Variants in ARPC3 observed in about 807,000 individuals in gnomAD.
ARPC3 encodes the protein actin related protein 2/3 complex subunit 3.
ARPC3 carries 12 observed loss-of-function variants against 27.6 expected under a neutral mutation model. That is an observed-to-expected ratio of 0.43 (90% confidence interval 0.28 to 0.70). ARPC3 has a LOEUF of 0.70. Ranked by LOEUF, ARPC3 falls within the 30% of genes least tolerant of loss-of-function variation. ARPC3 has a pLI of 0.17. For missense variants in ARPC3, 153 were observed against 207.7 expected, an observed-to-expected ratio of 0.74 and a Z score of 1.62; for synonymous variants, 53 against 67.2, an observed-to-expected ratio of 0.79 and a Z score of 1.03.
At chr12:110,443,503 G>A (rs1235611335) in intron 2 of ARPC3, among the ~76,000 whole-genome samples, 1 of 151,996 alleles carries the variant, frequency 6.6e-6, no homozygotes, top group Admixed American at 6.6e-5. Flanking sequence ...CACAATCTAG[G>A]CCCAGTGCAA....
intron 2 of ARPC3, among the ~76,000 whole-genome samples, chr12:110,441,132 C>T (rs1219602283): frequency 6.6e-5 from 10 of 151,854 alleles, no homozygotes; most frequent in South Asian, 4.1e-4. Context: ...CATAAGCCAC[C>T]GTGCCCGGCC....
In ARPC3 at chr12:110,440,834, C is replaced by T. The variant is rs550845898; in HGVS notation, c.107-446G>A. On this transcript the variant is annotated intron_variant, in intron 2 of 6. Transcript: ENST00000228825. ...GTGCTGGGATTACAGGCATGAGCCA[C>T]CGTGCCCAGCCTTTGTTTTTTTTTT... 3.5e-5 allele frequency among the ~76,000 whole-genome samples: 5 copies of T among 142,950 alleles called. No homozygotes were observed. The South Asian group carries it at 1.1e-3, about 32-fold the overall frequency. 93.8% of individuals were successfully genotyped at this position (142,950 alleles called of 152,430 possible).
chr12:110,446,920 T>A (rs1033290263), intron 1 of ARPC3, among the ~76,000 whole-genome samples: 1 of 152,226 alleles, frequency 6.6e-6, no homozygotes, highest in Non-Finnish European at 1.5e-5. Flanking sequence ...ACCTAATTTT[T>A]AAAAATTACA....
intron 1 of ARPC3, among the ~76,000 whole-genome samples, chr12:110,448,591 T>C (rs2062478593): frequency 1.3e-5 from 2 of 149,768 alleles, no homozygotes; most frequent in African/African-American, 5.0e-5. Flanking sequence ...GGTGGGAGGA[T>C]CACCTGAACC....
intron 2 of ARPC3, among the ~76,000 whole-genome samples, chr12:110,442,178 T>G (rs893440085): frequency 2.0e-5 from 3 of 152,042 alleles, no homozygotes; most frequent in African/African-American, 7.2e-5. Context: ...AAAAAAAAAT[T>G]TTTAATTGTC....
At chr12:110,446,297 A>AT (rs1336985095) in intron 1 of ARPC3, among the ~76,000 whole-genome samples, 17,807 of 128,758 alleles carry the variant, frequency 0.14, 1,794 homozygotes, top group African/African-American at 0.28. Flanking sequence ...CTACTTCCTA[A>AT]TTTTTTTTTT....
rs1180052697 is a variant in ARPC3 at position 110,450,245 on chromosome 12, G to T, written c.6+10C>A. ...CCGCTGTCTCCCCACACCGTGGATC[G>T]AACCCTCACCGGCATCTTGGCGGCG... On this transcript the variant is annotated intron_variant, in intron 1 of 6. Transcript: ENST00000228825. 6.2e-7 allele frequency: 1 copy of T among 1,614,086 alleles called. No homozygotes were observed.
At chr12:110,449,824 G>A (rs1365960879) in intron 1 of ARPC3, among the ~76,000 whole-genome samples, 1 of 152,168 alleles carries the variant, frequency 6.6e-6, no homozygotes, top group Non-Finnish European at 1.5e-5. Flanking sequence ...CCGGGAAGTG[G>A]GTTCTGACAA....
chr12:110,440,656 C>G, intron 2 of ARPC3: 1 of 373,138 alleles, frequency 2.7e-6, no homozygotes, highest in Middle Eastern at 8.8e-4. Flanking sequence ...ACGCCATTCT[C>G]CTGCCTCAGC....
chr12:110,449,435 G>T (rs868375393), intron 1 of ARPC3, among the ~76,000 whole-genome samples: 1 of 151,862 alleles, frequency 6.6e-6, no homozygotes, highest in South Asian at 2.1e-4. Flanking sequence ...GGTGGCGCGC[G>T]CCTGTAATCT....
Position 110,436,498 on chromosome 12 carries a change from G to C in ARPC3, c.379+59C>G, listed in dbSNP as rs888081312. 5.6e-6 allele frequency: 9 copies of C among 1,606,332 alleles called. No homozygotes were observed. In the African/African-American group the frequency reaches 1.2e-4, roughly 22 times the overall value. On this transcript the variant is annotated intron_variant, in intron 5 of 6. Transcript: ENST00000228825. ...AAGGCAAGAAAAAGAGGGGTGGTAG[G>C]AAGTCAAATGGAGAAAATCTTCTTG...
chr12:110,436,342 GTTTTATAACTATAT>G (rs2062403705), intron 5 of ARPC3, 138 bp from the exon 6 acceptor site: 1 of 1,097,120 alleles, frequency 9.1e-7, no homozygotes, highest in Non-Finnish European at 1.3e-6. Context: ...AGTCCAGATA[GTTTTATAACTATAT>G]TTGTTTTTGT....
At position 110,435,108 on chromosome 12, in the gene ARPC3, G is replaced by A. The variant is rs201844028; in HGVS notation, c.*47C>T. 2,326 of 1,470,932 alleles carry A rather than the reference G, an allele frequency of 1.6e-3. 10 individuals are homozygous for A. Among genetic ancestry groups the A allele is most frequent in the Middle Eastern group, 6.1e-3 (31 of 5,092 alleles). The allele number at this position is 1,470,932 out of a possible 1,614,324, so 91.1% of individuals were successfully genotyped here. A position where few individuals can be genotyped will look rare whatever the true frequency, so the allele number is the denominator to read the frequency against. On this transcript the variant is annotated 3_prime_UTR_variant, in exon 7 of 7. Transcript: ENST00000228825. Reference sequence around the variant, plus strand: ...GCAAAAGATTGTGTACATCTTGCTGGAAAATGCTGCCCAGGGCTCTGGAGA... The same window carrying A: ...GCAAAAGATTGTGTACATCTTGCTGAAAAATGCTGCCCAGGGCTCTGGAGA...
At chr12:110,448,789 G>C (rs958846962) in intron 1 of ARPC3, among the ~76,000 whole-genome samples, 1 of 104,178 alleles carries the variant, frequency 9.6e-6, no homozygotes, top group South Asian at 4.4e-4. Context: ...GGGGGGGGGG[G>C]GGGTGGTGGT....
chr12:110,436,687 G>GAAA lies in ARPC3; in HGVS notation c.253-7_253-5dup, dbSNP rs59861890. ...CACCTTGGCTTTTGGAATTGCACTG[G>GAAA]AAAAAAAAATATATATATATATATA... On this transcript the variant is annotated splice_region_variant and splice_polypyrimidine_tract_variant and intron_variant, in intron 4 of 6. Transcript: ENST00000228825. 34,749 of 797,218 alleles carry GAAA rather than the reference G, an allele frequency of 0.044. 2,254 individuals carry two copies. The highest frequency in any genetic ancestry group is 0.11 in the African/African-American group (3,901 of 36,982). The allele number at this position is 797,218 out of a possible 1,614,324, so 49.4% of individuals were successfully genotyped here.
chr12:110,434,901 T>C lies in ARPC3; in HGVS notation c.*254A>G, dbSNP rs1051252825. ...GACTGGCAATAAAGTTTTTCTGACA[T>C]GGAATGTTAGAAATTTCTTTATTAT... On this transcript the variant is annotated 3_prime_UTR_variant, in exon 7 of 7. Transcript: ENST00000228825. 6.2e-5 allele frequency: 40 copies of C among 648,304 alleles called. 1 individual carries two copies. In the Admixed American group the frequency reaches 8.5e-4, roughly 14 times the overall value. The allele number at this position is 648,304 out of a possible 1,614,324, so 40.2% of individuals were successfully genotyped here.
At chr12:110,436,837 G>A in intron 4 of ARPC3, 154 bp from the exon 5 acceptor site, 1 of 710,494 alleles carries the variant, frequency 1.4e-6, no homozygotes. Context: ...GAATTCCTCT[G>A]TCAAGATTTC....
Position 110,445,519 on chromosome 12 carries a change from G to A in ARPC3, c.39C>T (p.Thr13=). Residue 13 remains threonine, a synonymous_variant, in exon 2 of 7, where the codon ACC becomes ACT. Transcript: ENST00000228825. ...AYHSSLMDPD[T]KLIGNMALLP... ...ACAGTGCCATGTTTCCGATGAGTTT[G>A]GTATCAGGATCCATGAGAGAAGAGT... 6.2e-7 allele frequency: 1 copy of A among 1,613,684 alleles called. No individual in the cohort carries two copies. Among genetic ancestry groups the A allele is most frequent in the South Asian group, 1.1e-5 (1 of 91,072 alleles).
intron 3 of ARPC3, chr12:110,437,374 C>CA: frequency 2.5e-6 from 1 of 393,630 alleles, no homozygotes; most frequent in Non-Finnish European, 4.7e-6. Context: ...TGTGCAGCTG[C>CA]TTTTTTTTTT....
Sources: gnomAD v4.1 joint callset for allele counts (sites outside exome capture counted in the v4.1 genomes callset) on GRCh38, gnomAD v4.1.1 for gene constraint, MANE v1.5 for transcripts, NCBI Gene and HGNC (gene_info 2026-07-23, HGNC 2026-07-21) for gene names.